KHDRBS2: variants seen among roughly 807,000 people sequenced by gnomAD.
KHDRBS2 encodes KH domain-containing, RNA-binding, signal transduction-associated protein 2.
A neutral mutation model predicts 44.3 loss-of-function variants in KHDRBS2; 26 were observed. The observed-to-expected ratio is 0.59, with a 90% CI of 0.43 to 0.81. The LOEUF is 0.81. KHDRBS2 is among the 40% of genes least tolerant of loss of function. The probability of loss-of-function intolerance (pLI) is 0.00; values close to 1 mark genes in which losing one functional copy is unlikely to be tolerated. For missense variants in KHDRBS2, 476 were observed against 433.1 expected (o/e 1.10, Z -0.88); for synonymous variants, 194 against 151.1 (o/e 1.28, Z -2.08).
chr6:62,284,333 A>G (rs1054094951), intron 1 of KHDRBS2, among the ~76,000 whole-genome samples: 2 of 152,088 alleles, frequency 1.3e-5, no homozygotes, highest in East Asian at 1.9e-4. Context: ...TTAAAGACAT[A>G]TTATAAGCTA....
At chr6:61,757,531 C>CAATCT (rs1778671072) in intron 6 of KHDRBS2, among the ~76,000 whole-genome samples, 1 of 152,042 alleles carries the variant, frequency 6.6e-6, no homozygotes, top group African/African-American at 2.4e-5. Flanking sequence ...TTCAAAGTGA[C>CAATCT]AATCTATGGG....
chr6:61,835,401 C>T (rs1233476882), intron 6 of KHDRBS2, among the ~76,000 whole-genome samples: 1 of 151,962 alleles, frequency 6.6e-6, no homozygotes, highest in Non-Finnish European at 1.5e-5. Context: ...TGTGTGATCC[C>T]TGGATACAGC....
the KHDRBS2 span, among the ~76,000 whole-genome samples, chr6:61,571,822 G>A: frequency 6.6e-6 from 1 of 151,838 alleles, no homozygotes; most frequent in African/African-American, 2.4e-5. Context: ...TACAAAAGCA[G>A]TACTAAGAAG....
chr6:61,942,853 C>T (rs1230156696), intron 4 of KHDRBS2, among the ~76,000 whole-genome samples: 1 of 151,662 alleles, frequency 6.6e-6, no homozygotes, highest in Non-Finnish European at 1.5e-5. Flanking sequence ...TATAAGGAAA[C>T]CCCAATCAGA....
rs1220009482 is a variant in KHDRBS2, at chr6:61,985,503, AAAG to A, written c.337-7294_337-7292del. Among the ~76,000 whole-genome samples the A allele has an allele frequency of 8.5e-5, 13 of 152,260 alleles. No homozygotes were observed. The East Asian group carries it at 2.5e-3, about 29-fold the overall frequency. On this transcript the variant is annotated intron_variant, in intron 3 of 8. Coordinates refer to ENST00000281156, the MANE Select transcript of KHDRBS2 (RefSeq NM_152688.4). ...GTGGCTCCCAGTTACTTCGTACGCA[AAAG>A]AAGAGGAGGTAACCCAAGAGGAAGT...
At chr6:61,996,353 C>T (rs1433583254) in intron 3 of KHDRBS2, among the ~76,000 whole-genome samples, 3 of 152,156 alleles carry the variant, frequency 2.0e-5, no homozygotes, top group Non-Finnish European at 1.5e-5. Flanking sequence ...AGTTTGAAGA[C>T]ATTAAATACA....
intron 7 of KHDRBS2, among the ~76,000 whole-genome samples, chr6:61,713,043 G>A (rs1770793808): frequency 6.6e-6 from 1 of 151,414 alleles, no homozygotes; most frequent in East Asian, 1.9e-4. Flanking sequence ...GCTTAGTATA[G>A]TTCTTCATAT....
intron 1 of KHDRBS2, among the ~76,000 whole-genome samples, chr6:62,190,014 G>T (rs1336396319): frequency 6.6e-6 from 1 of 152,080 alleles, no homozygotes; most frequent in Non-Finnish European, 1.5e-5. Context: ...TATAGGAGTG[G>T]GAGAGAGGAA....
intron 6 of KHDRBS2, among the ~76,000 whole-genome samples, chr6:61,872,962 CTGGTTATCCA>C (rs780425642): frequency 1.3e-5 from 2 of 152,074 alleles, no homozygotes; most frequent in Non-Finnish European, 2.9e-5. Context: ...ACTGATAAAA[CTGGTTATCCA>C]TGAAGGGGGA....
chr6:61,554,480 C>G, the KHDRBS2 span, among the ~76,000 whole-genome samples: 1 of 152,068 alleles, frequency 6.6e-6, no homozygotes, highest in South Asian at 2.1e-4. Context: ...CTACACCTTT[C>G]AATTTTAAGG....
chr6:61,762,737 C>T (rs1562115701), intron 6 of KHDRBS2, among the ~76,000 whole-genome samples: 1 of 152,124 alleles, frequency 6.6e-6, no homozygotes, highest in Non-Finnish European at 1.5e-5. Context: ...CAGTCAGTAA[C>T]GGCATGGTTT....
At chr6:62,113,145 C>G (rs1452069379) in intron 2 of KHDRBS2, among the ~76,000 whole-genome samples, 1 of 152,030 alleles carries the variant, frequency 6.6e-6, no homozygotes, top group Non-Finnish European at 1.5e-5. Context: ...ACTATAAGAG[C>G]CACATATTAA....
intron 3 of KHDRBS2, among the ~76,000 whole-genome samples, chr6:62,032,961 T>C (rs756130489): frequency 6.6e-6 from 1 of 151,840 alleles, no homozygotes; most frequent in Non-Finnish European, 1.5e-5. Context: ...TCAATGAAAT[T>C]CAAGATAACA....
chr6:61,888,421 G>A (rs1378003854), intron 6 of KHDRBS2, among the ~76,000 whole-genome samples: 1 of 152,156 alleles, frequency 6.6e-6, no homozygotes, highest in African/African-American at 2.4e-5. Context: ...GCCCTGGGTG[G>A]AGGTATTGTA....
At chr6:61,700,166 CT>C (rs1247729020) in intron 7 of KHDRBS2, among the ~76,000 whole-genome samples, 1 of 151,610 alleles carries the variant, frequency 6.6e-6, no homozygotes, top group Non-Finnish European at 1.5e-5. Context: ...TTCTCCTTCC[CT>C]TGTCATCATC....
At chr6:61,603,247 T>C in the KHDRBS2 span, among the ~76,000 whole-genome samples, 2 of 152,212 alleles carry the variant, frequency 1.3e-5, no homozygotes, top group African/African-American at 2.4e-5. Context: ...ATCTGTGCCT[T>C]ATCCACCAAA....
chr6:62,059,197 AGTTTTTT>A (rs1791034849), intron 2 of KHDRBS2, among the ~76,000 whole-genome samples: 1 of 30,130 alleles, frequency 3.3e-5, no homozygotes, highest in African/African-American at 7.8e-5. Flanking sequence ...AAAGTTAGGA[AGTTTTTT>A]TTTTTTTTTT....
intron 6 of KHDRBS2, among the ~76,000 whole-genome samples, chr6:61,745,941 G>C (rs1346862908): frequency 6.6e-6 from 1 of 152,108 alleles, no homozygotes; most frequent in African/African-American, 2.4e-5. Context: ...AGAATAAAGA[G>C]TGCGTGTCTT....
chr6:61,791,797 G>A (rs1266756848), intron 6 of KHDRBS2, among the ~76,000 whole-genome samples: 6 of 151,268 alleles, frequency 4.0e-5, no homozygotes, highest in African/African-American at 1.5e-4. Context: ...AACATAACTA[G>A]TTGTGTTTTC....
Sources: allele counts gnomAD v4.1 joint callset (sites outside exome capture counted in the v4.1 genomes callset), GRCh38; gene constraint gnomAD v4.1.1; transcripts MANE v1.5; gene names NCBI Gene and HGNC (gene_info 2026-07-23, HGNC 2026-07-21).